Variants in DPY19L3 observed in about 807,000 individuals in gnomAD.
DPY19L3 encodes the protein protein C-mannosyl-transferase DPY19L3.
Under a neutral mutation model 92.3 loss-of-function variants are expected in DPY19L3, and 51 were observed. The observed-to-expected ratio is 0.55, with a 90% confidence interval of 0.44 to 0.70. DPY19L3 has a LOEUF of 0.70. Ranked by LOEUF, DPY19L3 falls within the 30% of genes least tolerant of loss-of-function variation. The pLI, the probability that DPY19L3 is intolerant of heterozygous loss-of-function variation, is 0.00. For synonymous variants in DPY19L3, 309 were observed against 315.2 expected (o/e 0.98, Z 0.21); for missense variants, 706 against 855.9 (o/e 0.82, Z 2.18).
intron 3 of DPY19L3, chr19:32,411,964 C>G (rs543866894): frequency 6.6e-6 from 1 of 152,320 alleles, no homozygotes; most frequent in Non-Finnish European, 1.5e-5. Flanking sequence ...GCAGCCTCAA[C>G]CTCCTGGGCT....
chr19:32,434,646 G>A (rs1192654189), intron 4 of DPY19L3, among the ~76,000 whole-genome samples: 4 of 152,238 alleles, frequency 2.6e-5, no homozygotes, highest in South Asian at 4.1e-4. Flanking sequence ...GCGACAGAGC[G>A]AGACTCCGTC....
chr19:32,424,223 G>A (rs1968678662), intron 3 of DPY19L3, among the ~76,000 whole-genome samples: 1 of 151,798 alleles, frequency 6.6e-6, no homozygotes, highest in South Asian at 2.1e-4. Context: ...GGGAAGCTGA[G>A]GCAGGAGGGT....
At chr19:32,447,977 G>GT (rs935878199) in intron 8 of DPY19L3, among the ~76,000 whole-genome samples, 26 of 152,140 alleles carry the variant, frequency 1.7e-4, no homozygotes, top group Non-Finnish European at 3.5e-4. Flanking sequence ...AGAGTGGGAG[G>GT]TGGGTGGGTG....
At chr19:32,413,286 C>A (rs930173151) in intron 3 of DPY19L3, 3 of 152,168 alleles carry the variant, frequency 2.0e-5, no homozygotes, top group Non-Finnish European at 4.4e-5. Flanking sequence ...CTTTGATTCT[C>A]TTACTGAAAT....
rs74959276 is a variant in DPY19L3, at chr19:32,452,223, A to G, written c.856-922A>G. Among the ~76,000 whole-genome samples, 532 of 152,338 alleles carry G rather than the reference A, an allele frequency of 3.5e-3. 2 individuals carry two copies. The highest frequency in any genetic ancestry group is 0.012 in the African/African-American group (513 of 41,574). ...CATCATCTCTTGTTCACGATGAACC[A>G]TTTAGGTCACATAGCTGGTTTGCAC... On this transcript the variant is annotated intron_variant, in intron 8 of 18. Coordinates refer to ENST00000392250, the MANE Select transcript of DPY19L3 (RefSeq NM_001172774.2).
intron 3 of DPY19L3, among the ~76,000 whole-genome samples, chr19:32,421,811 A>G (rs1464607011): frequency 6.6e-6 from 1 of 152,076 alleles, no homozygotes; most frequent in Non-Finnish European, 1.5e-5. Flanking sequence ...CCACTCTGCT[A>G]TGAAGAACAG....
intron 12 of DPY19L3, 99 bp from the exon 13 acceptor site, chr19:32,463,267 A>G: frequency 2.3e-6 from 3 of 1,292,494 alleles, no homozygotes; most frequent in Non-Finnish European, 3.2e-6. Flanking sequence ...CAATTTCTGA[A>G]TACATAAAGG....
intron 12 of DPY19L3, among the ~76,000 whole-genome samples, chr19:32,460,458 A>G (rs945621580): frequency 2.6e-5 from 4 of 152,136 alleles, no homozygotes; most frequent in African/African-American, 9.7e-5. Context: ...GTATACCTAT[A>G]TAGGGCAGTT....
intron 3 of DPY19L3, among the ~76,000 whole-genome samples, 159 bp from the exon 4 acceptor site, chr19:32,432,557 A>G (rs73567547): frequency 0.033 from 4,968 of 152,228 alleles, 260 homozygotes; most frequent in African/African-American, 0.11. Flanking sequence ...CAGCTTTAAC[A>G]GTGATCAGCC....
intron 4 of DPY19L3, among the ~76,000 whole-genome samples, chr19:32,435,842 G>T (rs1054379886): frequency 6.6e-6 from 1 of 152,206 alleles, no homozygotes; most frequent in African/African-American, 2.4e-5. Context: ...GTAACAGCAG[G>T]TCAAGTTCTC....
At chr19:32,419,396 C>T (rs969007121) in intron 3 of DPY19L3, among the ~76,000 whole-genome samples, 12 of 151,940 alleles carry the variant, frequency 7.9e-5, no homozygotes, top group Non-Finnish European at 1.2e-4. Flanking sequence ...CTCCTGACCT[C>T]GTGATCCACC....
At chr19:32,411,457 A>C (rs771619861) in intron 3 of DPY19L3, 85 bp downstream of exon 3, 2 of 1,459,958 alleles carry the variant, frequency 1.4e-6, no homozygotes, top group Non-Finnish European at 1.9e-6. Context: ...AAGGCAACAC[A>C]GTTTTGCCAT....
intron 6 of DPY19L3, among the ~76,000 whole-genome samples, chr19:32,437,763 T>G (rs1969191511): frequency 7.7e-6 from 1 of 129,780 alleles, no homozygotes; most frequent in Non-Finnish European, 1.8e-5. Flanking sequence ...TATCAGTCAT[T>G]AAAAAGTTTT....
In DPY19L3 at chr19:32,477,392, G is replaced by GT. The variant is rs946052077; in HGVS notation, c.1698-122dup. 6.8e-4 allele frequency: 844 copies of GT among 1,249,004 alleles called. 3 individuals are homozygous for GT. The highest frequency in any genetic ancestry group is 6.3e-4 in the Middle Eastern group (3 of 4,778). The allele number at this position is 1,249,004 out of a possible 1,614,324, so 77.4% of individuals were successfully genotyped here. On this transcript the variant is annotated intron_variant, in intron 16 of 18. Transcript: ENST00000392250. ...CAAATCAAAACCGAAGCAAACTCCC[G>GT]TTTTTTTTCCCTGACTCGTAACACT...
At chr19:32,407,017 T>TG (rs1043604822) in intron 1 of DPY19L3, among the ~76,000 whole-genome samples, 16 of 151,354 alleles carry the variant, frequency 1.1e-4, no homozygotes, top group Non-Finnish European at 1.6e-4. Flanking sequence ...TTTTTTTTTT[T>TG]TGGTATGAAT....
chr19:32,416,332 A>G (rs944507035), intron 3 of DPY19L3, among the ~76,000 whole-genome samples: 5 of 152,192 alleles, frequency 3.3e-5, no homozygotes, highest in East Asian at 3.9e-4. Context: ...TTCTGTGACA[A>G]CGAGCACCGG....
chr19:32,464,178 CTATA>C (rs1441708181), intron 14 of DPY19L3, among the ~76,000 whole-genome samples, 198 bp downstream of exon 14: 1 of 151,488 alleles, frequency 6.6e-6, no homozygotes, highest in African/African-American at 2.4e-5. Flanking sequence ...TTTTCTCAGA[CTATA>C]AGTTAGATAT....
At position 32,453,221 on chromosome 19, in the gene DPY19L3, T is replaced by G; in HGVS notation, c.932T>G (p.Leu311Arg). The G allele has an allele frequency of 6.2e-7, 1 of 1,614,084 alleles. No individual in the cohort carries two copies. The stretch of plus-strand genomic sequence containing the variant: ...CTTCAGTTTTTTAATTCCATGATTC[T>G]TGGATCACTGCTTATCAGTTTTAAC... Reference protein sequence around the residue: ...CILQFFNSMILGSLLISFNLS... With the variant: ...CILQFFNSMIRGSLLISFNLS... Residue 311 changes from leucine (L) to arginine (R), a missense_variant, in exon 9 of 19, where the codon CTT (leucine) becomes CGT (arginine). By Grantham distance (102) the Leu-to-Arg change is moderately radical. Coordinates refer to ENST00000392250, the MANE Select transcript of DPY19L3 (RefSeq NM_001172774.2).
Position 32,453,283 on chromosome 19 carries a change from CTT to C in DPY19L3, c.987+15_987+16del. 6.3e-7 allele frequency: 1 copy of C among 1,578,046 alleles called. No individual in the cohort carries two copies. Among genetic ancestry groups the C allele is most frequent in the Non-Finnish European group, 8.6e-7 (1 of 1,164,822 alleles). ...CATTGCAAGAAAACTTCAGGTAGGA[CTT>C]TTTTTTTGTCCTTTATCAAAGTAAA... On this transcript the variant is annotated splice_region_variant and intron_variant, in intron 9 of 18. Coordinates refer to ENST00000392250, the MANE Select transcript of DPY19L3 (RefSeq NM_001172774.2).
Sources: allele counts gnomAD v4.1 joint callset (sites outside exome capture counted in the v4.1 genomes callset), GRCh38; gene constraint gnomAD v4.1.1; transcripts MANE v1.5; gene names NCBI Gene and HGNC (gene_info 2026-07-23, HGNC 2026-07-21).